STUM: variants seen among roughly 807,000 people sequenced by gnomAD.
STUM encodes protein stum homolog.
In STUM, 8 loss-of-function variants were observed where a neutral mutation model predicts 15.3. The observed-to-expected ratio is 0.52, with a 90% CI of 0.31 to 0.94. The LOEUF (loss-of-function observed/expected upper bound fraction) is 0.94. Among genes scored for constraint, STUM ranks in the 40% least tolerant of loss-of-function variants. STUM has a pLI of 0.05. For missense variants in STUM, 142 were observed against 204.9 expected, an observed-to-expected ratio of 0.69 and a Z score of 1.87; for synonymous variants, 78 against 88.7, an observed-to-expected ratio of 0.88 and a Z score of 0.68.
intron 1 of STUM, among the ~76,000 whole-genome samples, chr1:226,587,986 A>G (rs1668023600): frequency 6.6e-6 from 1 of 152,022 alleles, no homozygotes; most frequent in South Asian, 2.1e-4. Flanking sequence ...TGCTTTCTCT[A>G]ATGTTGAAAG....
chr1:226,575,921 C>A (rs1043758865), intron 1 of STUM, among the ~76,000 whole-genome samples: 3 of 152,250 alleles, frequency 2.0e-5, no homozygotes, highest in Non-Finnish European at 4.4e-5. Context: ...GTCCTGCCCT[C>A]CTCATCTCAG....
At chr1:226,581,341 G>A (rs569935543) in intron 1 of STUM, among the ~76,000 whole-genome samples, 1 of 152,218 alleles carries the variant, frequency 6.6e-6, no homozygotes, top group Non-Finnish European at 1.5e-5. Context: ...CAGTTGGTTT[G>A]TTGGTGTCTT....
rs1368635179 is a variant in STUM, at chr1:226,549,556, T to A, written c.202+450T>A. ...AGGATCAAACTCCCGGGCGTCGAAG[T>A]CAGCTGAGCCGGGGAAAGAGGACGA... On this transcript the variant is annotated intron_variant, in intron 1 of 3. Coordinates refer to ENST00000366788, the MANE Select transcript of STUM (RefSeq NM_001003665.4). The surrounding 1 kb of genome is among the most constrained non-coding windows in gnomAD (Gnocchi z 6.8). Among the ~76,000 whole-genome samples, 2 of 152,050 alleles carry A rather than the reference T, an allele frequency of 1.3e-5. No individual in the cohort carries two copies. The highest frequency in any genetic ancestry group is 3.9e-4 in the East Asian group (2 of 5,164).
chr1:226,600,500 G>A lies in STUM; in HGVS notation c.383-166G>A, dbSNP rs764791803. The A allele has an allele frequency of 7.4e-5, 57 of 766,308 alleles. No homozygotes were observed. The highest frequency in any genetic ancestry group is 8.2e-5 in the South Asian group (5 of 61,246). 47.5% of individuals were successfully genotyped at this position (766,308 alleles called of 1,614,324 possible). A position where few individuals can be genotyped will look rare whatever the true frequency, so the allele number is the denominator to read the frequency against. On this transcript the variant is annotated intron_variant, in intron 2 of 3. Coordinates refer to ENST00000366788, the MANE Select transcript of STUM (RefSeq NM_001003665.4). The surrounding 1 kb of genome is among the most constrained non-coding windows in gnomAD (Gnocchi z 5.2). ...TGAGCACTCCCTGCCTGGGGATGGC[G>A]TCTGAGAAGCCACTGGCATGGCCCC...
rs1471562681 is a variant in STUM at position 226,604,845 on chromosome 1, G to A, written c.*2805G>A. On this transcript the variant is annotated 3_prime_UTR_variant, in exon 4 of 4. Coordinates refer to ENST00000366788, the MANE Select transcript of STUM (RefSeq NM_001003665.4). The surrounding 1 kb of genome is among the most constrained non-coding windows in gnomAD (Gnocchi z 4.7). ...TCAATAGGACATTCCCTGGCTGTGG[G>A]TGTTTAGGGCAGGAATTACAGGCTT... The A allele has an allele frequency of 6.6e-6, 1 of 152,326 alleles. No homozygotes were observed. The highest frequency in any genetic ancestry group is 1.5e-5 in the Non-Finnish European group (1 of 68,140). 9.4% of individuals were successfully genotyped at this position (152,326 alleles called of 1,614,324 possible).
At chr1:226,555,835 T>C (rs1046661136) in intron 1 of STUM, among the ~76,000 whole-genome samples, 2 of 152,206 alleles carry the variant, frequency 1.3e-5, no homozygotes, top group African/African-American at 2.4e-5. Context: ...GCCAGAACTT[T>C]CCAACAGAAA....
At chr1:226,578,776 A>G (rs1667865253) in intron 1 of STUM, among the ~76,000 whole-genome samples, 1 of 152,182 alleles carries the variant, frequency 6.6e-6, no homozygotes, top group South Asian at 2.1e-4. Flanking sequence ...AGAGACAATG[A>G]GTGCAGCTGG....
At chr1:226,582,503 G>A (rs2102702566) in intron 1 of STUM, among the ~76,000 whole-genome samples, 1 of 152,060 alleles carries the variant, frequency 6.6e-6, no homozygotes, top group South Asian at 2.1e-4. Flanking sequence ...GCTGAAGCAG[G>A]AGAATCACTT....
At chr1:226,587,675 G>GTA in intron 1 of STUM, among the ~76,000 whole-genome samples, 1 of 152,246 alleles carries the variant, frequency 6.6e-6, no homozygotes, top group East Asian at 1.9e-4. Flanking sequence ...CTCTGGATGT[G>GTA]GGGGAGCAGC....
chr1:226,553,700 G>A (rs1041989525), intron 1 of STUM, among the ~76,000 whole-genome samples: 12 of 152,230 alleles, frequency 7.9e-5, no homozygotes, highest in Admixed American at 1.3e-4. Flanking sequence ...GGCTCTAAGC[G>A]CATAGGGTCT....
rs765491517 is a variant in STUM at position 226,600,684 on chromosome 1, CG to C, written c.391+12del. On this transcript the variant is annotated intron_variant, in intron 3 of 3. Transcript: ENST00000366788. The surrounding 1 kb of genome is among the most constrained non-coding windows in gnomAD (Gnocchi z 5.2). ...GCTGCAGTTTCCCAAGGTGAGTCTG[CG>C]GATGGACGTGCGGGCCTCGTGCTGC... 1.3e-5 allele frequency: 21 copies of C among 1,610,648 alleles called. No individual in the cohort carries two copies. The East Asian group carries it at 4.2e-4, about 32-fold the overall frequency.
chr1:226,568,730 G>A (rs1219115428), intron 1 of STUM, among the ~76,000 whole-genome samples: 1 of 152,212 alleles, frequency 6.6e-6, no homozygotes, highest in African/African-American at 2.4e-5. Flanking sequence ...CTTGACTTTG[G>A]CTTTGAAAGG....
Position 226,549,144 on chromosome 1 carries a change from C to T in STUM, c.202+38C>T. ...TGCCGCGACCCTTGCGACCCCCACCCCGCCGCGGGAGGGCGTGGGGGGAGA... is the reference window on the plus strand; with the variant it reads ...TGCCGCGACCCTTGCGACCCCCACCTCGCCGCGGGAGGGCGTGGGGGGAGA... On this transcript the variant is annotated intron_variant, in intron 1 of 3. Transcript: ENST00000366788. This position sits in a 1 kb window ranked among gnomAD's most constrained non-coding sequence, Gnocchi z 6.8. The T allele has an allele frequency of 6.5e-7, 1 of 1,537,626 alleles. No homozygotes were observed. The highest frequency in any genetic ancestry group is 1.9e-5 in the Admixed American group (1 of 51,470).
chr1:226,591,857 G>T (rs1382041833), intron 1 of STUM, among the ~76,000 whole-genome samples: 2 of 152,082 alleles, frequency 1.3e-5, no homozygotes, highest in African/African-American at 4.8e-5. Context: ...CTGAAAGAGT[G>T]AGGTGAGGCC....
Position 226,549,971 on chromosome 1 carries a change from C to G in STUM, c.202+865C>G, listed in dbSNP as rs1214196667. On this transcript the variant is annotated intron_variant, in intron 1 of 3. Transcript: ENST00000366788. This position sits in a 1 kb window ranked among gnomAD's most constrained non-coding sequence, Gnocchi z 6.8. The stretch of plus-strand genomic sequence containing the variant: ...CCTGACCCTCCCTCCCTTAACTCCA[C>G]CCCCAGGTCTCTGCCTGCACGCCCC... Among the ~76,000 whole-genome samples, 1 of 151,990 alleles carries G rather than the reference C, an allele frequency of 6.6e-6. No individual in the cohort carries two copies. The highest frequency in any genetic ancestry group is 1.5e-5 in the Non-Finnish European group (1 of 67,966).
chr1:226,602,796 A>T lies in STUM; in HGVS notation c.*756A>T, dbSNP rs1668292457. Reference sequence around the variant, plus strand: ...CACAAAGTTATTAGACTGAAGCAGGAGTGGGCAGACTAGCAGGCTTTCACC... The same window carrying T: ...CACAAAGTTATTAGACTGAAGCAGGTGTGGGCAGACTAGCAGGCTTTCACC... On this transcript the variant is annotated 3_prime_UTR_variant, in exon 4 of 4. Coordinates refer to ENST00000366788, the MANE Select transcript of STUM (RefSeq NM_001003665.4). 1 of 152,230 alleles carries T rather than the reference A, an allele frequency of 6.6e-6. No homozygotes were observed. 9.4% of individuals were successfully genotyped at this position (152,230 alleles called of 1,614,324 possible).
intron 1 of STUM, among the ~76,000 whole-genome samples, chr1:226,586,928 C>A (rs116832786): frequency 1.3e-5 from 2 of 152,186 alleles, no homozygotes; most frequent in African/African-American, 4.8e-5. Flanking sequence ...CACCCTTCCC[C>A]GTCCCATCCC....
At chr1:226,570,210 G>A (rs1335952742) in intron 1 of STUM, among the ~76,000 whole-genome samples, 1 of 152,174 alleles carries the variant, frequency 6.6e-6, no homozygotes, top group East Asian at 1.9e-4. Context: ...AGATTTCCTT[G>A]AGGTTCAAAA....
At chr1:226,587,495 C>T (rs1668015068) in intron 1 of STUM, among the ~76,000 whole-genome samples, 1 of 152,186 alleles carries the variant, frequency 6.6e-6, no homozygotes, top group South Asian at 2.1e-4. Context: ...CACCTGTACA[C>T]CCCTTGTCTG....
Sources: gnomAD v4.1 joint callset for allele counts (sites outside exome capture counted in the v4.1 genomes callset) on GRCh38, gnomAD v4.1.1 for gene constraint, Gnocchi (gnomAD v3.1) non-coding constraint, MANE v1.5 for transcripts, NCBI Gene and HGNC (gene_info 2026-07-23, HGNC 2026-07-21) for gene names.